PLAA: variants seen among roughly 807,000 people sequenced by gnomAD.
PLAA encodes phospholipase A-2-activating protein.
In PLAA, 48 loss-of-function variants were observed where a neutral mutation model predicts 84.1. That is an observed-to-expected ratio of 0.57 (90% CI 0.45 to 0.73). The LOEUF (loss-of-function observed/expected upper bound fraction) is 0.73, where lower values mean the gene tolerates loss of function less well. PLAA is among the 30% of genes least tolerant of loss of function. The pLI is 0.00. For missense variants in PLAA, 903 were observed against 954.7 expected (o/e 0.95, Z 0.71); for synonymous variants, 392 against 336.6 (o/e 1.16, Z -1.80).
chr9:26,933,662 G>A lies in PLAA; in HGVS notation c.343+1351C>T, dbSNP rs575909377. Among the ~76,000 whole-genome samples the A allele has an allele frequency of 7.3e-5, 11 of 150,060 alleles. No individual in the cohort carries two copies. In the East Asian group the frequency reaches 1.2e-3, roughly 17 times the overall value. On this transcript the variant is annotated intron_variant, in intron 2 of 13. Transcript: ENST00000397292. ...AAATTAGCCGGGCGTGGTAGCAGGC[G>A]CCTGTAGTCCCAGCTACTCGGCAGG...
intron 13 of PLAA, 141 bp downstream of exon 13, chr9:26,907,693 C>A: frequency 1.5e-6 from 1 of 660,818 alleles, no homozygotes; most frequent in Non-Finnish European, 2.5e-6. Flanking sequence ...GTGTAGTGAA[C>A]CCTTTTCGTG....
Position 26,905,528 on chromosome 9 carries a change from T to G in PLAA, c.2371A>C (p.Ile791Leu), listed in dbSNP as rs1824200336. The G allele has an allele frequency of 6.2e-7, 1 of 1,607,344 alleles. No homozygotes were observed. Among genetic ancestry groups the G allele is most frequent in the Admixed American group, 1.7e-5 (1 of 59,002 alleles). ...CCCCACTGCTACAGCAAATTTAGGA[T>G]AAATCTACAGCATTCACTTACTTTA... ...PAKVSECCRF[I>L]LNLL Residue 791 changes from isoleucine (I) to leucine (L), a missense_variant, in exon 14 of 14, where the codon ATC becomes CTC. Coordinates refer to ENST00000397292, the MANE Select transcript of PLAA (RefSeq NM_001031689.3).
At chr9:26,928,531 G>A in intron 2 of PLAA, 123 bp from the exon 3 acceptor site, 2 of 708,598 alleles carry the variant, frequency 2.8e-6, no homozygotes, top group Non-Finnish European at 4.9e-6. Flanking sequence ...GCTAACTAAG[G>A]CTCAATTCAG....
intron 7 of PLAA, 136 bp downstream of exon 7, chr9:26,923,042 T>C (rs1347515935): frequency 1.8e-5 from 11 of 611,650 alleles, no homozygotes; most frequent in East Asian, 1.6e-4. Context: ...ATAGTGATTA[T>C]ATGTAATAGT....
intron 8 of PLAA, among the ~76,000 whole-genome samples, chr9:26,919,852 C>T (rs958944243): frequency 5.9e-5 from 9 of 152,160 alleles, no homozygotes; most frequent in Admixed American, 3.3e-4. Context: ...GCCCTACTCA[C>T]CAAAACGTGC....
At chr9:26,946,270 C>CT (rs564163575) in intron 1 of PLAA, among the ~76,000 whole-genome samples, 11,042 of 146,634 alleles carry the variant, frequency 0.075, 575 homozygotes, top group African/African-American at 0.15. Flanking sequence ...CCTTTTTCTT[C>CT]TTTTTTTTTT....
rs1824526970 is a variant in PLAA, at chr9:26,915,685, T to C, written c.1486+1412A>G. On this transcript the variant is annotated intron_variant, in intron 10 of 13. Coordinates refer to ENST00000397292, the MANE Select transcript of PLAA (RefSeq NM_001031689.3). Reference sequence around the variant, plus strand: ...TATTCAATTATCCTGATACCCTAATTCTCTTGGACATTGTGTATGCTATCT... The same window carrying C: ...TATTCAATTATCCTGATACCCTAATCCTCTTGGACATTGTGTATGCTATCT... The C allele has an allele frequency of 5.1e-6, 5 of 983,390 alleles. No homozygotes were observed. In the South Asian group the frequency reaches 2.4e-4, roughly 46 times the overall value. 60.9% of individuals were successfully genotyped at this position (983,390 alleles called of 1,614,324 possible). A position where few individuals can be genotyped will look rare whatever the true frequency, so the allele number is the denominator to read the frequency against.
chr9:26,916,390 A>G, intron 10 of PLAA: 1 of 987,010 alleles, frequency 1.0e-6, no homozygotes. Context: ...CTTAAAGTCC[A>G]ACTCTGGCAC....
rs902029995 is a variant in PLAA at position 26,905,070 on chromosome 9, T to C, written c.*441A>G. 3 of 152,490 alleles carry C rather than the reference T, an allele frequency of 2.0e-5. No homozygotes were observed. Among genetic ancestry groups the C allele is most frequent in the African/African-American group, 7.2e-5 (3 of 41,434 alleles). The allele number at this position is 152,490 out of a possible 1,614,324, so 9.4% of individuals were successfully genotyped here. Reference sequence around the variant, plus strand: ...TATAATTTAAAAAATTTTAAAGTAGTTATCCTAAAACAAGACCTTGAAATG... The same window carrying C: ...TATAATTTAAAAAATTTTAAAGTAGCTATCCTAAAACAAGACCTTGAAATG... On this transcript the variant is annotated 3_prime_UTR_variant, in exon 14 of 14. Coordinates refer to ENST00000397292, the MANE Select transcript of PLAA (RefSeq NM_001031689.3).
rs1435514398 is a variant in PLAA, at chr9:26,947,203, G to A, written c.-158C>T. ...AGAGCCGGTACGGAAGGGCGGCTGGGAAGGGGCGCGCCGAGCGGGCCGAGT... is the reference window on the plus strand; with the variant it reads ...AGAGCCGGTACGGAAGGGCGGCTGGAAAGGGGCGCGCCGAGCGGGCCGAGT... On this transcript the variant is annotated 5_prime_UTR_variant, in exon 1 of 14. Coordinates refer to ENST00000397292, the MANE Select transcript of PLAA (RefSeq NM_001031689.3). 1.9e-5 allele frequency: 16 copies of A among 830,748 alleles called. No homozygotes were observed. The highest frequency in any genetic ancestry group is 3.6e-4 in the Middle Eastern group (1 of 2,752). The allele number at this position is 830,748 out of a possible 1,614,324, so 51.5% of individuals were successfully genotyped here. A position where few individuals can be genotyped will look rare whatever the true frequency, so the allele number is the denominator to read the frequency against.
At chr9:26,914,363 T>G (rs1197982226) in intron 10 of PLAA, among the ~76,000 whole-genome samples, 1 of 152,154 alleles carries the variant, frequency 6.6e-6, no homozygotes, top group Non-Finnish European at 1.5e-5. Flanking sequence ...TAGATAATAC[T>G]TGTGGCTGTC....
rs965806444 is a variant in PLAA at position 26,905,932 on chromosome 9, T to A, written c.1967A>T (p.Gln656Leu). 2.5e-6 allele frequency: 4 copies of A among 1,614,226 alleles called. No individual in the cohort carries two copies. Among genetic ancestry groups the A allele is most frequent in the Non-Finnish European group, 3.4e-6 (4 of 1,180,036 alleles). The change falls in exon 14 of 14, where the codon CAG (glutamine) becomes CTG (leucine). Residue 656 changes from glutamine to leucine, a missense_variant. Gln to Leu is a moderately radical substitution (Grantham distance 113, BLOSUM62 -2). Transcript: ENST00000397292. ...LLNPKGKPAN[Q>L]LLALRTFCNC... is the part of the protein sequence containing the mutation. ...GCAAAAAGTCCTGAGAGCAAGCAGC[T>A]GGTTTGCTGGCTTTCCTTTAGGGTT...
At chr9:26,937,387 C>T (rs1243927798) in intron 1 of PLAA, among the ~76,000 whole-genome samples, 1 of 152,038 alleles carries the variant, frequency 6.6e-6, no homozygotes, top group African/African-American at 2.4e-5. Context: ...AAAGATAATA[C>T]ACAAAAACAT....
Position 26,905,491 on chromosome 9 carries a change from T to G in PLAA, c.*20A>C, listed in dbSNP as rs1185162704. The G allele has an allele frequency of 1.3e-6, 2 of 1,520,214 alleles. No homozygotes were observed. The highest frequency in any genetic ancestry group is 1.8e-6 in the Non-Finnish European group (2 of 1,116,580). The allele number at this position is 1,520,214 out of a possible 1,614,324, so 94.2% of individuals were successfully genotyped here. ...AAAAAACACTAATCAATTAAAAATA[T>G]CCGTCCCTCTTCCCCACTGCTACAG... On this transcript the variant is annotated 3_prime_UTR_variant, in exon 14 of 14. Coordinates refer to ENST00000397292, the MANE Select transcript of PLAA (RefSeq NM_001031689.3).
At chr9:26,913,854 A>AG (rs1392771717) in intron 11 of PLAA, 25 bp downstream of exon 11, 1 of 1,506,364 alleles carries the variant, frequency 6.6e-7, no homozygotes, top group Non-Finnish European at 9.0e-7. Context: ...TCTAAAAAAA[A>AG]GAAAAAGAAA....
Position 26,908,055 on chromosome 9 carries a change from A to G in PLAA, c.1658-57T>C, listed in dbSNP as rs139231636. ...CTAACTGTAATTGGCCAGATAATAT[A>G]TAAATGCCAAGACTTTCAATAAAAG... is the stretch of plus-strand genomic sequence containing the variant. On this transcript the variant is annotated intron_variant, in intron 12 of 13. Transcript: ENST00000397292. The G allele has an allele frequency of 3.8e-4, 501 of 1,325,884 alleles. 2 individuals are homozygous for G. In the East Asian group the frequency reaches 0.011, roughly 30 times the overall value. The allele number at this position is 1,325,884 out of a possible 1,614,324, so 82.1% of individuals were successfully genotyped here.
intron 2 of PLAA, among the ~76,000 whole-genome samples, chr9:26,932,134 C>T (rs548112070): frequency 6.6e-6 from 1 of 152,182 alleles, no homozygotes; most frequent in East Asian, 1.9e-4. Flanking sequence ...AGATGTGGAC[C>T]TTATTTGGGT....
In PLAA at chr9:26,930,732, G is replaced by A. The variant is rs1003404601; in HGVS notation, c.344-2324C>T. Among the ~76,000 whole-genome samples, 14 of 151,868 alleles carry A rather than the reference G, an allele frequency of 9.2e-5. No homozygotes were observed. The East Asian group carries it at 1.9e-3, about 21-fold the overall frequency. On this transcript the variant is annotated intron_variant, in intron 2 of 13. Transcript: ENST00000397292. ...CACGTAGCTTGGATTACATGCATGCGCCACCATGCCCGGCTAATTTTTTTG... is the reference window on the plus strand; with the variant it reads ...CACGTAGCTTGGATTACATGCATGCACCACCATGCCCGGCTAATTTTTTTG...
intron 1 of PLAA, among the ~76,000 whole-genome samples, chr9:26,939,775 CT>C (rs1825473222): frequency 6.6e-6 from 1 of 151,556 alleles, no homozygotes; most frequent in Admixed American, 6.6e-5. Flanking sequence ...CAAAATTGAC[CT>C]TAAATCAAAA....
Sources: gnomAD v4.1 joint callset for allele counts (sites outside exome capture counted in the v4.1 genomes callset) on GRCh38, gnomAD v4.1.1 for gene constraint, MANE v1.5 for transcripts, NCBI Gene and HGNC (gene_info 2026-07-23, HGNC 2026-07-21) for gene names.